The following EFR3B variants were observed in gnomAD, a reference collection of about 807,000 sequenced individuals.
EFR3B encodes the protein protein EFR3 homolog B.
Under a neutral mutation model 104.7 loss-of-function variants are expected in EFR3B, and 64 were observed. That is an observed-to-expected ratio of 0.61 (90% CI 0.50 to 0.75). The LOEUF is 0.75. EFR3B is among the 30% of genes least tolerant of loss of function. The pLI is 0.00. For synonymous variants in EFR3B, 385 were observed against 417.9 expected, an observed-to-expected ratio of 0.92 and a Z score of 0.96; for missense variants, 750 against 1,078.5, an observed-to-expected ratio of 0.70 and a Z score of 4.27.
At chr2:25,063,459 G>A (rs1023440964) in intron 1 of EFR3B, among the ~76,000 whole-genome samples, 1 of 152,150 alleles carries the variant, frequency 6.6e-6, no homozygotes, top group African/African-American at 2.4e-5. Flanking sequence ...TAATCTCAGT[G>A]TGTTCTTTGC....
intron 1 of EFR3B, among the ~76,000 whole-genome samples, chr2:25,061,406 C>CCTGG: frequency 2.0e-5 from 3 of 151,998 alleles, no homozygotes; most frequent in African/African-American, 7.2e-5. Flanking sequence ...ATGCACCGTG[C>CCTGG]CCAACCTGGA....
chr2:25,049,487 C>G (rs1667808165), intron 1 of EFR3B, among the ~76,000 whole-genome samples: 1 of 152,122 alleles, frequency 6.6e-6, no homozygotes, highest in African/African-American at 2.4e-5. Context: ...TTTAACTGGG[C>G]AAACAAGTTA....
intron 1 of EFR3B, among the ~76,000 whole-genome samples, chr2:25,069,444 G>A (rs1383168706): frequency 6.6e-6 from 1 of 152,200 alleles, no homozygotes; most frequent in South Asian, 2.1e-4. Flanking sequence ...AGTCTGTGAC[G>A]GTTCTTGGCT....
intron 15 of EFR3B, 66 bp from the exon 16 acceptor site, chr2:25,138,993 G>A: frequency 1.9e-6 from 3 of 1,540,268 alleles, no homozygotes; most frequent in Non-Finnish European, 1.8e-6. Context: ...GAGGTCGGGT[G>A]GAGCGTTGGC....
chr2:25,043,991 C>G (rs530991290), intron 1 of EFR3B, among the ~76,000 whole-genome samples: 101 of 152,244 alleles, frequency 6.6e-4, no homozygotes, highest in Non-Finnish European at 1.2e-3. Flanking sequence ...GGTGGGGGTC[C>G]CAGGCTGCCT....
chr2:25,080,484 G>A (rs1177375681), intron 1 of EFR3B: 9 of 470,062 alleles, frequency 1.9e-5, no homozygotes, highest in Admixed American at 3.7e-5. Flanking sequence ...TATTAGAGAC[G>A]GGGTTTCACC....
At chr2:25,070,372 C>T (rs1668461570) in intron 1 of EFR3B, among the ~76,000 whole-genome samples, 1 of 152,132 alleles carries the variant, frequency 6.6e-6, no homozygotes, top group African/African-American at 2.4e-5. Context: ...AGCAATTCTC[C>T]CACCTCAATC....
chr2:25,065,901 T>C (rs1473808768), intron 1 of EFR3B, among the ~76,000 whole-genome samples: 1 of 152,094 alleles, frequency 6.6e-6, no homozygotes, highest in East Asian at 1.9e-4. Flanking sequence ...TGCCTCTGAA[T>C]GTCTCCTTGG....
intron 1 of EFR3B, among the ~76,000 whole-genome samples, chr2:25,046,649 G>A (rs919316607): frequency 4.0e-5 from 6 of 150,738 alleles, no homozygotes; most frequent in African/African-American, 4.9e-5. Context: ...GACTACAGGC[G>A]TCCACCACCT....
At chr2:25,094,152 G>A (rs534020630) in intron 3 of EFR3B, among the ~76,000 whole-genome samples, 49 of 152,008 alleles carry the variant, frequency 3.2e-4, no homozygotes, top group African/African-American at 1.1e-3. Context: ...GGGCGTGGTG[G>A]TATGCACCTG....
chr2:25,042,442 C>T lies in EFR3B; in HGVS notation c.7+123C>T. ...GCCAGGCCGCTGACCTGGTGCCCGG[C>T]GGGGCTGTTGCGGTCGCTCTGTGCG... On this transcript the variant is annotated intron_variant, in intron 1 of 22. Transcript: ENST00000403714. This position sits in a 1 kb window ranked among gnomAD's most constrained non-coding sequence, Gnocchi z 5.4. 1 of 1,213,720 alleles carries T rather than the reference C, an allele frequency of 8.2e-7. No individual in the cohort carries two copies. The allele number at this position is 1,213,720 out of a possible 1,614,324, so 75.2% of individuals were successfully genotyped here.
intron 1 of EFR3B, among the ~76,000 whole-genome samples, chr2:25,063,361 G>A (rs1201557770): frequency 6.6e-6 from 1 of 152,236 alleles, no homozygotes; most frequent in East Asian, 1.9e-4. Context: ...CCTTAATAAT[G>A]TGCTGGCTTG....
intron 4 of EFR3B, among the ~76,000 whole-genome samples, chr2:25,110,828 C>T (rs959693421): frequency 6.6e-6 from 1 of 152,236 alleles, no homozygotes; most frequent in Non-Finnish European, 1.5e-5. Flanking sequence ...CCGTTGTCTG[C>T]ATTGCTATCC....
chr2:25,131,035 A>G lies in EFR3B; in HGVS notation c.850-333A>G, dbSNP rs578013805. On this transcript the variant is annotated intron_variant, in intron 8 of 22. Coordinates refer to ENST00000403714, the MANE Select transcript of EFR3B (RefSeq NM_014971.2). This position sits in a 1 kb window ranked among gnomAD's most constrained non-coding sequence, Gnocchi z 7.6. ...GCCCAGGGGCCCCACTTTAGGCAGC[A>G]CTGGACTAAGCCATGTGGCCTCCCG... 2.1e-4 allele frequency among the ~76,000 whole-genome samples: 32 copies of G among 152,216 alleles called. 1 individual carries two copies. The East Asian group carries it at 4.4e-3, about 21-fold the overall frequency.
At chr2:25,078,179 T>G (rs571332169) in intron 1 of EFR3B, among the ~76,000 whole-genome samples, 1 of 152,336 alleles carries the variant, frequency 6.6e-6, no homozygotes, top group East Asian at 1.9e-4. Flanking sequence ...ACCCAGCAAG[T>G]GCCCTGCGAA....
At chr2:25,078,548 G>A (rs565088080) in intron 1 of EFR3B, among the ~76,000 whole-genome samples, 33 of 152,290 alleles carry the variant, frequency 2.2e-4, no homozygotes, top group African/African-American at 7.5e-4. Context: ...GTCTCACGCT[G>A]TTCAAAGGCA....
In EFR3B at chr2:25,100,878, G is replaced by A. The variant is rs13395518; in HGVS notation, c.213-2759G>A. Among the ~76,000 whole-genome samples the A allele has an allele frequency of 0.023, 3,555 of 152,292 alleles. 248 individuals are homozygous for A. In the East Asian group the frequency reaches 0.27, roughly 12 times the overall value. ...GTAGAAGGATCACCATCCTGCAATG[G>A]GCACATGAGTCCAAACTCTGAGTCC... On this transcript the variant is annotated intron_variant, in intron 3 of 22. Transcript: ENST00000403714.
chr2:25,131,875 G>T lies in EFR3B; in HGVS notation c.1111G>T (p.Glu371Ter). The T allele has an allele frequency of 1.9e-6, 3 of 1,546,718 alleles. No homozygotes were observed. The highest frequency in any genetic ancestry group is 2.6e-6 in the Non-Finnish European group (3 of 1,145,254). Residue 371 changes from glutamate (E) to a stop codon, truncating the protein, a stop_gained, in exon 10 of 23, where the codon GAG becomes TAG. Coordinates refer to ENST00000403714, the MANE Select transcript of EFR3B (RefSeq NM_014971.2). LOFTEE classifies it high-confidence loss of function. The surrounding 1 kb of genome is among the most constrained non-coding windows in gnomAD (Gnocchi z 7.6). Reference sequence around the variant, plus strand: ...CACCAAGATCATCAAGGAGCACGAGGAGCGCATGTTCCAGGAGGCCGTCAT... The same window carrying T: ...CACCAAGATCATCAAGGAGCACGAGTAGCGCATGTTCCAGGAGGCCGTCAT... ...LGTKIIKEHE[E>*]RMFQEAVIKT...
chr2:25,133,533 A>G lies in EFR3B; in HGVS notation c.1311+99A>G. On this transcript the variant is annotated intron_variant, in intron 12 of 22. Coordinates refer to ENST00000403714, the MANE Select transcript of EFR3B (RefSeq NM_014971.2). Reference sequence around the variant, plus strand: ...CTCCACATACAGTCGTGCATGTGGCATACTGCACAAATACACCCAGTCGGT... The same window carrying G: ...CTCCACATACAGTCGTGCATGTGGCGTACTGCACAAATACACCCAGTCGGT... 2.5e-6 allele frequency: 3 copies of G among 1,222,478 alleles called. No individual in the cohort carries two copies. In the South Asian group the frequency reaches 3.9e-5, roughly 16 times the overall value. The allele number at this position is 1,222,478 out of a possible 1,614,324, so 75.7% of individuals were successfully genotyped here. A position where few individuals can be genotyped will look rare whatever the true frequency, so the allele number is the denominator to read the frequency against.
Sources: allele counts gnomAD v4.1 joint callset (sites outside exome capture counted in the v4.1 genomes callset), GRCh38; gene constraint gnomAD v4.1.1; non-coding constraint Gnocchi (gnomAD v3.1); transcripts MANE v1.5; gene names NCBI Gene and HGNC (gene_info 2026-07-23, HGNC 2026-07-21).